Variants in CNTN5 observed in about 807,000 individuals in gnomAD.
The protein encoded by CNTN5 is contactin-5.
CNTN5 carries 77 observed loss-of-function variants against 129.1 expected under a neutral mutation model. The ratio of observed to expected loss-of-function variants is 0.60; its 90% CI spans 0.50 to 0.72. The LOEUF (loss-of-function observed/expected upper bound fraction) is 0.72, where lower values mean the gene tolerates loss of function less well. Among genes scored for constraint, CNTN5 ranks in the 30% least tolerant of loss-of-function variants. The pLI, the probability that CNTN5 is intolerant of heterozygous loss-of-function variation, is 0.00. For missense variants in CNTN5, 1,478 were observed against 1,328.8 expected, an observed-to-expected ratio of 1.11 and a Z score of -1.75; for synonymous variants, 509 against 465.6, an observed-to-expected ratio of 1.09 and a Z score of -1.20.
At chr11:99,225,278 T>A (rs1474204469) in intron 1 of CNTN5, among the ~76,000 whole-genome samples, 3 of 152,050 alleles carry the variant, frequency 2.0e-5, no homozygotes, top group Admixed American at 6.6e-5. Flanking sequence ...GTGAAGCCTA[T>A]AGCAACAGGG....
intron 21 of CNTN5, among the ~76,000 whole-genome samples, chr11:100,325,227 G>A (rs1249251731): frequency 1.3e-5 from 2 of 152,054 alleles, no homozygotes; most frequent in African/African-American, 4.8e-5. Context: ...CCACTAACAG[G>A]AAAAAGGTCA....
intron 2 of CNTN5, among the ~76,000 whole-genome samples, chr11:99,441,930 T>C (rs1289745631): frequency 1.3e-5 from 2 of 152,204 alleles, no homozygotes; most frequent in African/African-American, 2.4e-5. Flanking sequence ...TCTGGGGTTC[T>C]CTGCCTCCGT....
intron 2 of CNTN5, among the ~76,000 whole-genome samples, chr11:99,342,015 G>A (rs532969041): frequency 1.3e-5 from 2 of 152,222 alleles, no homozygotes; most frequent in African/African-American, 2.4e-5. Flanking sequence ...TGATTCAAGA[G>A]CATCTTGGCC....
At chr11:99,493,574 T>C (rs1946115167) in intron 2 of CNTN5, among the ~76,000 whole-genome samples, 1 of 152,152 alleles carries the variant, frequency 6.6e-6, no homozygotes, top group African/African-American at 2.4e-5. Flanking sequence ...GTGACAGAGA[T>C]ACAGCAGTGA....
intron 1 of CNTN5, among the ~76,000 whole-genome samples, chr11:99,121,373 C>T (rs112099918): frequency 0.14 from 20,517 of 151,976 alleles, 1,552 homozygotes; most frequent in African/African-American, 0.2. Context: ...CCTAAGGGGA[C>T]CTGCCCACCT....
chr11:99,588,253 A>C (rs1328318124), intron 3 of CNTN5, among the ~76,000 whole-genome samples: 1 of 150,136 alleles, frequency 6.7e-6, no homozygotes, highest in Non-Finnish European at 1.5e-5. Flanking sequence ...CTGAGGCAGG[A>C]GAATGGCGTG....
intron 3 of CNTN5, among the ~76,000 whole-genome samples, chr11:99,708,071 G>A (rs948709251): frequency 1.3e-5 from 2 of 151,578 alleles, no homozygotes; most frequent in African/African-American, 4.8e-5. Flanking sequence ...ATATGGACAT[G>A]AGCGACCTTC....
At chr11:99,426,930 A>G (rs1409275708) in intron 2 of CNTN5, among the ~76,000 whole-genome samples, 1 of 152,234 alleles carries the variant, frequency 6.6e-6, no homozygotes, top group Non-Finnish European at 1.5e-5. Flanking sequence ...AGAAAATTAC[A>G]TGGATATAAT....
chr11:99,631,177 G>A lies in CNTN5; in HGVS notation c.55+74908G>A, dbSNP rs114115817. On this transcript the variant is annotated intron_variant, in intron 3 of 24. Transcript: ENST00000524871. ...TGTTAGTTTATTCTTTATGTATATG[G>A]AGTATAAGATTTTGAGATTTAATAC... 3.3e-3 allele frequency among the ~76,000 whole-genome samples: 499 copies of A among 152,146 alleles called. 3 individuals carry two copies. The highest frequency in any genetic ancestry group is 0.011 in the African/African-American group (443 of 41,534).
At chr11:99,675,792 A>C (rs889025842) in intron 3 of CNTN5, among the ~76,000 whole-genome samples, 1 of 152,206 alleles carries the variant, frequency 6.6e-6, no homozygotes, top group Non-Finnish European at 1.5e-5. Flanking sequence ...TAGCCCCTGC[A>C]GTTGTTATAT....
chr11:99,444,553 G>T (rs1312591338), intron 2 of CNTN5, among the ~76,000 whole-genome samples: 1 of 152,128 alleles, frequency 6.6e-6, no homozygotes, highest in African/African-American at 2.4e-5. Flanking sequence ...CTTTATTCTT[G>T]TATAAGCAGA....
At chr11:99,197,970 G>A (rs1472544445) in intron 1 of CNTN5, among the ~76,000 whole-genome samples, 1 of 151,978 alleles carries the variant, frequency 6.6e-6, no homozygotes, top group Non-Finnish European at 1.5e-5. Context: ...TTCTCTGATT[G>A]GCAAATTATT....
intron 1 of CNTN5, among the ~76,000 whole-genome samples, chr11:99,041,850 T>A (rs1334455993): frequency 1.3e-5 from 2 of 152,210 alleles, no homozygotes; most frequent in African/African-American, 4.8e-5. Context: ...TAAGCCCTAA[T>A]CTGGCCATGG....
chr11:99,685,707 A>G (rs1417456845), intron 3 of CNTN5, among the ~76,000 whole-genome samples: 2 of 151,854 alleles, frequency 1.3e-5, no homozygotes, highest in African/African-American at 4.8e-5. Flanking sequence ...TTGATTTTCA[A>G]GCTGTGTTAT....
At chr11:99,267,673 A>G (rs1033562841) in intron 1 of CNTN5, among the ~76,000 whole-genome samples, 5 of 152,036 alleles carry the variant, frequency 3.3e-5, no homozygotes, top group African/African-American at 9.7e-5. Context: ...GCATACAACC[A>G]TTATAAGCTT....
At chr11:99,758,505 C>T (rs1388661036) in intron 3 of CNTN5, among the ~76,000 whole-genome samples, 1 of 151,786 alleles carries the variant, frequency 6.6e-6, no homozygotes, top group African/African-American at 2.4e-5. Flanking sequence ...ACAGAATATG[C>T]AAAGATGATT....
intron 23 of CNTN5, among the ~76,000 whole-genome samples, chr11:100,347,159 T>C (rs1461645224): frequency 6.6e-6 from 1 of 152,134 alleles, no homozygotes; most frequent in Non-Finnish European, 1.5e-5. Flanking sequence ...CATTTGTTTA[T>C]GCAACTTAGA....
At chr11:99,100,059 G>A (rs1866648754) in intron 1 of CNTN5, among the ~76,000 whole-genome samples, 2 of 152,120 alleles carry the variant, frequency 1.3e-5, no homozygotes, top group South Asian at 4.1e-4. Context: ...ATGGATCTGA[G>A]TTAAAATCAT....
chr11:99,190,046 T>A (rs1858556247), intron 1 of CNTN5, among the ~76,000 whole-genome samples: 1 of 151,710 alleles, frequency 6.6e-6, no homozygotes, highest in African/African-American at 2.4e-5. Context: ...AGTCTTACAT[T>A]TGAATTTTAA....
Sources: allele counts gnomAD v4.1 joint callset (sites outside exome capture counted in the v4.1 genomes callset), GRCh38; gene constraint gnomAD v4.1.1; transcripts MANE v1.5; gene names NCBI Gene and HGNC (gene_info 2026-07-23, HGNC 2026-07-21).